Variants in DMXL1 observed in about 807,000 individuals in gnomAD.
DMXL1 encodes the protein Dmx like 1.
A neutral mutation model predicts 319.2 loss-of-function variants in DMXL1; 99 were observed. The ratio of observed to expected loss-of-function variants is 0.31; its 90% CI spans 0.26 to 0.37. DMXL1 has a LOEUF of 0.37. Among genes scored for constraint, DMXL1 ranks in the 10% least tolerant of loss-of-function variants. DMXL1 has a pLI of 1.00. For missense variants in DMXL1, 3,745 were observed against 3,595.6 expected (o/e 1.04, Z -1.06); for synonymous variants, 1,385 against 1,235.2 (o/e 1.12, Z -2.54).
intron 16 of DMXL1, 112 bp downstream of exon 16, chr5:119,147,068 A>T (rs1464980563): frequency 8.0e-7 from 1 of 1,243,810 alleles, no homozygotes; most frequent in Non-Finnish European, 1.1e-6. Flanking sequence ...TTAAATGGTG[A>T]TAACTGTAGA....
chr5:119,147,427 T>A lies in DMXL1; in HGVS notation c.2868T>A (p.His956Gln). The A allele has an allele frequency of 1.2e-6, 2 of 1,613,498 alleles. No homozygotes were observed. Among genetic ancestry groups the A allele is most frequent in the African/African-American group, 2.7e-5 (2 of 75,002 alleles). ...FSEMVYSQEL[H>Q]LPEGVEIISI... ...AAATGGTTTATAGCCAAGAATTGCATTTACCAGAAGGAGTTGAGATAATAA... is the reference window on the plus strand; with the variant it reads ...AAATGGTTTATAGCCAAGAATTGCAATTACCAGAAGGAGTTGAGATAATAA... Residue 956 changes from histidine (H) to glutamine (Q), a missense_variant, in exon 17 of 44, where the codon CAT becomes CAA. Physicochemically the swap from His to Gln is conservative, Grantham distance 24. Transcript: ENST00000539542.
chr5:119,116,189 T>C lies in DMXL1; in HGVS notation c.596T>C (p.Val199Ala). 6.2e-7 allele frequency: 1 copy of C among 1,613,848 alleles called. No homozygotes were observed. Among genetic ancestry groups the C allele is most frequent in the Non-Finnish European group, 8.5e-7 (1 of 1,179,816 alleles). Residue 199 changes from valine (V) to alanine (A), a missense_variant, in exon 7 of 44, where the codon GTA (valine) becomes GCA (alanine). Transcript: ENST00000539542. The stretch of plus-strand genomic sequence containing the variant: ...TGTCTTTTGAAGGTTTGGTATAATG[T>C]AGAAAACTGGCGGACAGCTGTTACT... ...DDCLLKVWYN[V>A]ENWRTAVTSP...
At chr5:119,080,511 A>C (rs957193939) in intron 1 of DMXL1, among the ~76,000 whole-genome samples, 1 of 152,102 alleles carries the variant, frequency 6.6e-6, no homozygotes, top group Non-Finnish European at 1.5e-5. Flanking sequence ...AAGATTTGGA[A>C]ATATCCTTAA....
intron 23 of DMXL1, 34 bp from the exon 24 acceptor site, chr5:119,170,148 GTTCATAAC>G: frequency 2.6e-6 from 4 of 1,546,368 alleles, no homozygotes; most frequent in Non-Finnish European, 3.5e-6. Flanking sequence ...GAAACACACA[GTTCATAAC>G]TTTTCTTGGC....
At chr5:119,194,480 T>G (rs919533917) in intron 30 of DMXL1, among the ~76,000 whole-genome samples, 1 of 152,198 alleles carries the variant, frequency 6.6e-6, no homozygotes, top group African/African-American at 2.4e-5. Flanking sequence ...TCATGAATGA[T>G]GGAATATTAT....
At chr5:119,117,243 G>A (rs548586517) in intron 7 of DMXL1, among the ~76,000 whole-genome samples, 280 of 152,186 alleles carry the variant, frequency 1.8e-3, no homozygotes, top group African/African-American at 6.4e-3. Flanking sequence ...GTTTTGCCAT[G>A]TTGCCCAGGC....
At chr5:119,120,885 A>T in intron 8 of DMXL1, 86 bp from the exon 9 acceptor site, 1 of 1,074,994 alleles carries the variant, frequency 9.3e-7, no homozygotes, top group South Asian at 2.3e-5. Context: ...GAGCTAGGAT[A>T]TATGTAACTT....
chr5:119,237,469 C>T, intron 40 of DMXL1, 55 bp downstream of exon 40: 1 of 1,066,214 alleles, frequency 9.4e-7, no homozygotes, highest in South Asian at 1.3e-5. Context: ...TTTAAATAAA[C>T]CAAGAATACG....
At chr5:119,092,659 AC>A (rs1755046209) in intron 1 of DMXL1, among the ~76,000 whole-genome samples, 1 of 152,002 alleles carries the variant, frequency 6.6e-6, no homozygotes, top group South Asian at 2.1e-4. Flanking sequence ...ATTTGCCACT[AC>A]CCCTAGCCAC....
chr5:119,215,880 GAAGTCT>G, intron 34 of DMXL1, among the ~76,000 whole-genome samples: 1 of 152,012 alleles, frequency 6.6e-6, no homozygotes, highest in African/African-American at 2.4e-5. Flanking sequence ...CAAATCACCT[GAAGTCT>G]GGAGTTCCAG....
chr5:119,075,404 T>A (rs186675681), intron 1 of DMXL1, among the ~76,000 whole-genome samples: 2 of 152,012 alleles, frequency 1.3e-5, no homozygotes, highest in Non-Finnish European at 1.5e-5. Context: ...CACGCCCAGC[T>A]AATTTTTGTG....
intron 13 of DMXL1, among the ~76,000 whole-genome samples, chr5:119,140,905 C>A (rs1767174577): frequency 6.6e-6 from 1 of 152,164 alleles, no homozygotes; most frequent in African/African-American, 2.4e-5. Flanking sequence ...AAAGCTAGTT[C>A]ACAGTGATCA....
chr5:119,238,708 G>A (rs1479625489), intron 40 of DMXL1: 1 of 161,680 alleles, frequency 6.2e-6, no homozygotes, highest in African/African-American at 2.4e-5. Context: ...TACTTAAATA[G>A]TTCAGGAAAA....
chr5:119,141,920 T>G (rs1247708475), intron 13 of DMXL1, among the ~76,000 whole-genome samples: 2 of 151,968 alleles, frequency 1.3e-5, no homozygotes, highest in Non-Finnish European at 2.9e-5. Flanking sequence ...AACAGGCACA[T>G]TGACCAATGG....
intron 17 of DMXL1, among the ~76,000 whole-genome samples, chr5:119,147,755 T>C (rs1444229562): frequency 6.6e-6 from 1 of 152,294 alleles, no homozygotes; most frequent in South Asian, 2.1e-4. Context: ...GTAACTAAGT[T>C]GTACTTTATT....
intron 3 of DMXL1, among the ~76,000 whole-genome samples, chr5:119,103,788 A>G (rs1328502199): frequency 6.6e-6 from 1 of 152,236 alleles, no homozygotes. Flanking sequence ...AATATTTATT[A>G]AATAAAATAA....
intron 21 of DMXL1, among the ~76,000 whole-genome samples, chr5:119,166,027 C>A (rs566291450): frequency 1.3e-5 from 2 of 152,340 alleles, no homozygotes; most frequent in African/African-American, 4.8e-5. Context: ...TATCTCCTTC[C>A]TGTGGGCCCC....
chr5:119,151,101 G>A (rs1769688442), intron 18 of DMXL1, among the ~76,000 whole-genome samples: 1 of 151,756 alleles, frequency 6.6e-6, no homozygotes, highest in African/African-American at 2.4e-5. Flanking sequence ...CCCTCATTTT[G>A]TAATAATCCA....
At chr5:119,189,576 G>A in intron 28 of DMXL1, 132 bp from the exon 29 acceptor site, 1 of 791,004 alleles carries the variant, frequency 1.3e-6, no homozygotes, top group Non-Finnish European at 2.0e-6. Context: ...TACCTGCTGT[G>A]TACTTTCATA....
Sources: gnomAD v4.1 joint callset for allele counts (sites outside exome capture counted in the v4.1 genomes callset) on GRCh38, gnomAD v4.1.1 for gene constraint, MANE v1.5 for transcripts, NCBI Gene and HGNC (gene_info 2026-07-23, HGNC 2026-07-21) for gene names.